Variants in DCC observed in about 807,000 individuals in gnomAD.
DCC encodes netrin receptor DCC.
A neutral mutation model predicts 172.5 loss-of-function variants in DCC; 58 were observed. The observed-to-expected ratio is 0.34, with a 90% CI of 0.27 to 0.42. The LOEUF is 0.42. DCC is among the 10% of genes least tolerant of loss of function. The pLI, the probability that DCC is intolerant of heterozygous loss-of-function variation, is 1.00. For synonymous variants in DCC, 709 were observed against 644.5 expected (o/e 1.10, Z -1.52); for missense variants, 1,740 against 1,791.0 (o/e 0.97, Z 0.51).
At chr18:52,548,501 G>A (rs565563045) in intron 1 of DCC, among the ~76,000 whole-genome samples, 47 of 152,166 alleles carry the variant, frequency 3.1e-4, no homozygotes, top group Middle Eastern at 3.4e-3. Context: ...GGCAACAAGC[G>A]TCCACATCAG....
chr18:52,824,831 A>T (rs894313626), intron 2 of DCC, among the ~76,000 whole-genome samples: 7 of 152,074 alleles, frequency 4.6e-5, no homozygotes, highest in African/African-American at 1.7e-4. Context: ...TTAGCCAGGC[A>T]TGGTGACAGG....
chr18:52,371,092 G>A (rs1000094430), intron 1 of DCC, among the ~76,000 whole-genome samples: 1 of 152,152 alleles, frequency 6.6e-6, no homozygotes, highest in Non-Finnish European at 1.5e-5. Flanking sequence ...CTCCCTGGAT[G>A]TCATCTTGTT....
intron 2 of DCC, among the ~76,000 whole-genome samples, chr18:52,865,709 T>C (rs940100092): frequency 2.0e-5 from 3 of 152,100 alleles, no homozygotes; most frequent in African/African-American, 7.2e-5. Flanking sequence ...GTTTTTTTCT[T>C]GTAAATTTGT....
intron 2 of DCC, among the ~76,000 whole-genome samples, chr18:52,767,099 C>A (rs1409982204): frequency 6.6e-6 from 1 of 151,174 alleles, no homozygotes; most frequent in African/African-American, 2.4e-5. Flanking sequence ...TCTTCCCCAT[C>A]TAGGTGGGCC....
intron 13 of DCC, among the ~76,000 whole-genome samples, chr18:53,316,052 T>A (rs2057340311): frequency 6.6e-6 from 1 of 151,330 alleles, no homozygotes. Flanking sequence ...CATGCCTATG[T>A]CCTAGGTTTT....
intron 8 of DCC, among the ~76,000 whole-genome samples, chr18:53,178,053 T>C (rs1044609617): frequency 4.6e-5 from 7 of 152,192 alleles, no homozygotes; most frequent in South Asian, 2.1e-4. Flanking sequence ...TATCTAGATA[T>C]AGAAACCTTG....
At chr18:52,971,166 T>G (rs1229693746) in intron 5 of DCC, among the ~76,000 whole-genome samples, 4 of 152,158 alleles carry the variant, frequency 2.6e-5, no homozygotes, top group Non-Finnish European at 5.9e-5. Context: ...TGGCCTTTTC[T>G]TTTTCGTTAG....
At chr18:52,396,287 C>A (rs1357807421) in intron 1 of DCC, among the ~76,000 whole-genome samples, 3 of 139,852 alleles carry the variant, frequency 2.1e-5, no homozygotes, top group South Asian at 2.6e-4. Flanking sequence ...CCACACCCCC[C>A]CCCCACCCCG....
At chr18:53,135,367 A>G (rs944902888) in intron 7 of DCC, among the ~76,000 whole-genome samples, 1 of 152,148 alleles carries the variant, frequency 6.6e-6, no homozygotes, top group African/African-American at 2.4e-5. Flanking sequence ...ATTTTCCATT[A>G]ATGTTTGTGG....
intron 5 of DCC, among the ~76,000 whole-genome samples, chr18:53,012,699 C>G (rs988218791): frequency 2.0e-5 from 3 of 151,966 alleles, no homozygotes; most frequent in Admixed American, 1.3e-4. Flanking sequence ...AAAAGAAATA[C>G]AGTGAGTTGT....
chr18:53,270,884 G>T (rs1228200255), intron 12 of DCC, among the ~76,000 whole-genome samples: 1 of 152,068 alleles, frequency 6.6e-6, no homozygotes, highest in Non-Finnish European at 1.5e-5. Context: ...TATTTATAGA[G>T]TCCTTACTAT....
chr18:52,402,351 A>G (rs1007686670), intron 1 of DCC, among the ~76,000 whole-genome samples: 3 of 152,012 alleles, frequency 2.0e-5, no homozygotes, highest in Non-Finnish European at 4.4e-5. Context: ...TGAGTAAGTA[A>G]TGTGTAGACA....
chr18:52,819,310 GA>G (rs2038361323), intron 2 of DCC, among the ~76,000 whole-genome samples: 1 of 151,998 alleles, frequency 6.6e-6, no homozygotes, highest in Non-Finnish European at 1.5e-5. Context: ...AGCTTGCAGG[GA>G]AAAAAATAAA....
intron 27 of DCC, among the ~76,000 whole-genome samples, chr18:53,506,114 C>G (rs1453031637): frequency 6.6e-6 from 1 of 152,126 alleles, no homozygotes; most frequent in Non-Finnish European, 1.5e-5. Context: ...GGTTGAATAC[C>G]TTTCAACTTT....
intron 24 of DCC, among the ~76,000 whole-genome samples, chr18:53,460,236 G>C (rs16956776): frequency 0.039 from 4,513 of 114,826 alleles, 348 homozygotes; most frequent in African/African-American, 0.12. Flanking sequence ...AAAATCCCTT[G>C]GTCTACTCAT....
At chr18:52,945,476 G>A (rs747509557) in intron 5 of DCC, among the ~76,000 whole-genome samples, 1 of 152,162 alleles carries the variant, frequency 6.6e-6, no homozygotes, top group African/African-American at 2.4e-5. Context: ...TAAAATTACA[G>A]ATAACTAGAA....
At chr18:52,968,012 T>C (rs2040963929) in intron 5 of DCC, among the ~76,000 whole-genome samples, 1 of 152,228 alleles carries the variant, frequency 6.6e-6, no homozygotes, top group African/African-American at 2.4e-5. Flanking sequence ...TTTCTCTCTT[T>C]GTAGTTGTTA....
At chr18:52,702,713 C>T (rs1392293547) in intron 1 of DCC, among the ~76,000 whole-genome samples, 1 of 152,078 alleles carries the variant, frequency 6.6e-6, no homozygotes, top group Non-Finnish European at 1.5e-5. Flanking sequence ...GCTCCCTTGG[C>T]CTTGTGGGGA....
chr18:53,431,215 G>C (rs1023696907), intron 21 of DCC, among the ~76,000 whole-genome samples: 1 of 150,698 alleles, frequency 6.6e-6, no homozygotes, highest in Non-Finnish European at 1.5e-5. Context: ...CCATTTCCTG[G>C]TTCCAAAATC....
Sources: gnomAD v4.1 joint callset for allele counts (sites outside exome capture counted in the v4.1 genomes callset) on GRCh38, gnomAD v4.1.1 for gene constraint, MANE v1.5 for transcripts, NCBI Gene and HGNC (gene_info 2026-07-23, HGNC 2026-07-21) for gene names.